IL3RA: variants seen among roughly 807,000 people sequenced by gnomAD.
The protein encoded by IL3RA is interleukin-3 receptor subunit alpha.
In IL3RA, 73 loss-of-function variants were observed where a neutral mutation model predicts 52.3. The observed-to-expected ratio is 1.40, with a 90% CI of 1.16 to 1.70. The LOEUF (loss-of-function observed/expected upper bound fraction) is 1.70, where lower values mean the gene tolerates loss of function less well. Ranked by LOEUF, IL3RA falls within the 40% of genes most tolerant of loss-of-function variation. The pLI is 0.00. For synonymous variants in IL3RA, 260 were observed against 194.0 expected (o/e 1.34, Z -2.83); for missense variants, 664 against 504.4 (o/e 1.32, Z -3.03).
intron 6 of IL3RA, among the ~76,000 whole-genome samples, chrX:1,352,707 T>C (rs1444634371): frequency 1.3e-5 from 2 of 152,160 alleles, no homozygotes; most frequent in East Asian, 3.8e-4. Context: ...GAGGGTCATC[T>C]TCTCACTGTG....
chrX:1,378,402 C>T (rs1411625316), intron 9 of IL3RA, among the ~76,000 whole-genome samples: 1 of 152,164 alleles, frequency 6.6e-6, no homozygotes, highest in East Asian at 1.9e-4. Context: ...CCCTGGTGGT[C>T]TTTCCGCTCC....
chrX:1,339,258 C>T (rs144262118), intron 1 of IL3RA, among the ~76,000 whole-genome samples: 2,475 of 152,276 alleles, frequency 0.016, 35 homozygotes, highest in South Asian at 0.032. Context: ...AGCCCATGAG[C>T]TGAACACAGG....
At chrX:1,344,656 C>G (rs193204075) in intron 2 of IL3RA, among the ~76,000 whole-genome samples, 2 of 150,990 alleles carry the variant, frequency 1.3e-5, no homozygotes, top group Admixed American at 6.6e-5. Flanking sequence ...TCCTGTAATC[C>G]TAGCTACTCG....
chrX:1,362,217 TGTCC>T (rs1437133922), intron 8 of IL3RA, among the ~76,000 whole-genome samples: 2 of 152,018 alleles, frequency 1.3e-5, no homozygotes, highest in African/African-American at 4.8e-5. Context: ...TCTCTCTCTC[TGTCC>T]ATCACCCACT....
chrX:1,348,396 T>C (rs765104812), intron 3 of IL3RA, 35 bp from the exon 4 acceptor site: 14 of 1,480,354 alleles, frequency 9.5e-6, no homozygotes, highest in East Asian at 2.3e-5. Flanking sequence ...AAGCATGGTC[T>C]GTCAGCAGCC....
chrX:1,356,412 C>G (rs1385171462), intron 7 of IL3RA, 76 bp downstream of exon 7: 6 of 830,046 alleles, frequency 7.2e-6, no homozygotes, highest in Non-Finnish European at 1.2e-5. Flanking sequence ...ACTCTGGGGC[C>G]TTGAAACGGG....
rs769482200 is a variant in IL3RA, at chrX:1,348,479, G to C, written c.232G>C (p.Val78Leu). Residue 78 changes from valine (V) to leucine (L), a missense_variant, in exon 4 of 12, where the codon GTG becomes CTG. Coordinates refer to ENST00000331035, the MANE Select transcript of IL3RA (RefSeq NM_002183.4). ...GTTTGGAGCAATTTCCTTATGTGAAGTGACCAACTACACCGTCCGAGTGGC... is the reference window on the plus strand; with the variant it reads ...GTTTGGAGCAATTTCCTTATGTGAACTGACCAACTACACCGTCCGAGTGGC... ...CQFGAISLCE[V>L]TNYTVRVANP... 92 of 1,613,790 alleles carry C rather than the reference G, an allele frequency of 5.7e-5. No homozygotes were observed. Among genetic ancestry groups the C allele is most frequent in the Admixed American group, 2.2e-4 (13 of 59,952 alleles).
At position 1,349,251 on chromosome X, in the gene IL3RA, G is replaced by A. The variant is rs374157774; in HGVS notation, c.298+706G>A. On this transcript the variant is annotated intron_variant, in intron 4 of 11. Coordinates refer to ENST00000331035, the MANE Select transcript of IL3RA (RefSeq NM_002183.4). The stretch of plus-strand genomic sequence containing the variant: ...GGCTGGAGTGCACTGGCGCGATCTC[G>A]GCTCACTGCAACCTCTGGCTCCCGG... Among the ~76,000 whole-genome samples the A allele has an allele frequency of 2.5e-3, 369 of 149,766 alleles. 1 individual carries two copies. Among genetic ancestry groups the A allele is most frequent in the African/African-American group, 6.8e-3 (274 of 40,552 alleles).
At chrX:1,382,201 G>A (rs748528208) in intron 11 of IL3RA, among the ~76,000 whole-genome samples, 190 bp from the exon 12 acceptor site, 2 of 39,628 alleles carry the variant, frequency 5.0e-5, no homozygotes, top group East Asian at 4.7e-4. Context: ...CGCTCGCCTC[G>A]GCCTCCCAAA....
At chrX:1,361,619 GGC>G (rs2087375273) in intron 8 of IL3RA, among the ~76,000 whole-genome samples, 1 of 151,988 alleles carries the variant, frequency 6.6e-6, no homozygotes, top group Non-Finnish European at 1.5e-5. Context: ...ACGTGGTGGT[GGC>G]AGGCGCCTGT....
intron 8 of IL3RA, among the ~76,000 whole-genome samples, chrX:1,364,156 C>G (rs1246002673): frequency 1.3e-5 from 2 of 149,844 alleles, no homozygotes; most frequent in Admixed American, 1.3e-4. Flanking sequence ...CCACTGCACT[C>G]CAGCCTGGGG....
In IL3RA at chrX:1,352,304, C is replaced by T; in HGVS notation, c.432-18C>T. On this transcript the variant is annotated intron_variant, in intron 5 of 11. Transcript: ENST00000331035. ...CCATCGGCGTGGGGTCGTCCCCCAA[C>T]CTTACCGCTTACCGCAGCAGGCGTC... The T allele has an allele frequency of 6.2e-7, 1 of 1,613,592 alleles. No homozygotes were observed. The highest frequency in any genetic ancestry group is 8.5e-7 in the Non-Finnish European group (1 of 1,179,668).
intron 9 of IL3RA, among the ~76,000 whole-genome samples, chrX:1,376,924 C>A (rs1366609705): frequency 7.1e-6 from 1 of 140,108 alleles, no homozygotes; most frequent in Admixed American, 7.2e-5. Context: ...GAGGAACCAG[C>A]CCTGCCCACA....
Position 1,348,666 on chromosome X carries a change from CT to C in IL3RA, c.298+124del, listed in dbSNP as rs370120998. The C allele has an allele frequency of 2.1e-4, 95 of 451,430 alleles. 2 individuals are homozygous for C. The African/African-American group carries it at 4.2e-3, about 20-fold the overall frequency. The allele number at this position is 451,430 out of a possible 1,614,324, so 28.0% of individuals were successfully genotyped here. On this transcript the variant is annotated intron_variant, in intron 4 of 11. Coordinates refer to ENST00000331035, the MANE Select transcript of IL3RA (RefSeq NM_002183.4). ...TTTCTCTTTCTTTCTTTCTTTCTTTCTTTCTTTCTTTCTTTCTTTCTTTCTT... is the reference window on the plus strand; with the variant it reads ...TTTCTCTTTCTTTCTTTCTTTCTTTCTTCTTTCTTTCTTTCTTTCTTTCTT...
intron 4 of IL3RA, among the ~76,000 whole-genome samples, chrX:1,351,210 G>A (rs139935878): frequency 0.02 from 3,090 of 152,058 alleles, 40 homozygotes; most frequent in Non-Finnish European, 0.032. Context: ...CTGTAAAAAT[G>A]AATAAATAAA....
At chrX:1,377,909 G>A (rs1474070623) in intron 9 of IL3RA, among the ~76,000 whole-genome samples, 2 of 150,210 alleles carry the variant, frequency 1.3e-5, no homozygotes, top group Admixed American at 1.3e-4. Flanking sequence ...AAAATAGGCC[G>A]GGTGCGTGGC....
At chrX:1,358,302 G>A (rs1300997281) in intron 7 of IL3RA, among the ~76,000 whole-genome samples, 1 of 151,940 alleles carries the variant, frequency 6.6e-6, no homozygotes, top group Non-Finnish European at 1.5e-5. Flanking sequence ...AGGACGGTGG[G>A]TCTTGTTTGT....
intron 7 of IL3RA, among the ~76,000 whole-genome samples, chrX:1,357,477 A>T (rs2086825840): frequency 6.6e-6 from 1 of 151,652 alleles, no homozygotes; most frequent in South Asian, 2.1e-4. Context: ...TCTCAGCTTC[A>T]GCCTCCTGAG....
At chrX:1,362,978 G>C (rs2087580647) in intron 8 of IL3RA, among the ~76,000 whole-genome samples, 1 of 151,952 alleles carries the variant, frequency 6.6e-6, no homozygotes, top group Admixed American at 6.6e-5. Context: ...ATTTTACCTT[G>C]TTGCTCAGGT....
Sources: gnomAD v4.1 joint callset for allele counts (sites outside exome capture counted in the v4.1 genomes callset) on GRCh38, gnomAD v4.1.1 for gene constraint, MANE v1.5 for transcripts, NCBI Gene and HGNC (gene_info 2026-07-23, HGNC 2026-07-21) for gene names.